Variants in SNTG1 observed in about 807,000 individuals in gnomAD.
The protein encoded by SNTG1 is gamma-1-syntrophin.
In SNTG1, 39 loss-of-function variants were observed where a neutral mutation model predicts 74.7. The ratio of observed to expected loss-of-function variants is 0.52; its 90% CI spans 0.40 to 0.68. The LOEUF is 0.68. Ranked by LOEUF, SNTG1 falls within the 30% of genes least tolerant of loss-of-function variation. The probability of loss-of-function intolerance (pLI) is 0.00; values close to 1 mark genes in which losing one functional copy is unlikely to be tolerated. For synonymous variants in SNTG1, 254 were observed against 217.1 expected, an observed-to-expected ratio of 1.17 and a Z score of -1.49; for missense variants, 685 against 609.5, an observed-to-expected ratio of 1.12 and a Z score of -1.30.
At chr8:50,257,961 A>G (rs942848594) in intron 2 of SNTG1, among the ~76,000 whole-genome samples, 3 of 152,234 alleles carry the variant, frequency 2.0e-5, no homozygotes, top group Non-Finnish European at 1.5e-5. Context: ...CATGAAATCA[A>G]GGAAAGAAAC....
chr8:50,272,955 G>C (rs1251125656), intron 2 of SNTG1, among the ~76,000 whole-genome samples: 5 of 151,576 alleles, frequency 3.3e-5, no homozygotes, highest in Non-Finnish European at 7.4e-5. Flanking sequence ...TATTACCCAG[G>C]CTGGTCTAGA....
chr8:50,641,394 G>A (rs1159645922), intron 13 of SNTG1, among the ~76,000 whole-genome samples: 1 of 152,146 alleles, frequency 6.6e-6, no homozygotes, highest in African/African-American at 2.4e-5. Flanking sequence ...TTCTGCTGTG[G>A]CTGGAAAGGA....
At chr8:50,592,782 C>A (rs774527012) in intron 13 of SNTG1, among the ~76,000 whole-genome samples, 2 of 152,028 alleles carry the variant, frequency 1.3e-5, no homozygotes, top group Non-Finnish European at 2.9e-5. Context: ...ATCTTGGCAG[C>A]TCACAGTTTT....
chr8:50,553,705 C>T (rs2094439981), intron 12 of SNTG1, among the ~76,000 whole-genome samples: 1 of 152,126 alleles, frequency 6.6e-6, no homozygotes, highest in African/African-American at 2.4e-5. Context: ...TTGCTTCCTT[C>T]CACATTCCTG....
chr8:50,699,132 G>A (rs1038698131), intron 15 of SNTG1, among the ~76,000 whole-genome samples: 1 of 151,986 alleles, frequency 6.6e-6, no homozygotes, highest in African/African-American at 2.4e-5. Flanking sequence ...ATCACAAGGA[G>A]ATCTGTACCC....
intron 18 of SNTG1, among the ~76,000 whole-genome samples, chr8:50,763,396 A>G (rs1014700704): frequency 6.6e-6 from 1 of 151,892 alleles, no homozygotes; most frequent in African/African-American, 2.4e-5. Flanking sequence ...ATTCCAGAGA[A>G]CATACTCTAT....
chr8:50,669,121 A>T (rs954773679), intron 15 of SNTG1, among the ~76,000 whole-genome samples: 4 of 152,128 alleles, frequency 2.6e-5, no homozygotes, highest in Non-Finnish European at 5.9e-5. Flanking sequence ...CATCACAATT[A>T]AAAGAACTAG....
intron 1 of SNTG1, among the ~76,000 whole-genome samples, chr8:49,941,348 G>C (rs1238194126): frequency 6.6e-6 from 1 of 151,736 alleles, no homozygotes; most frequent in African/African-American, 2.4e-5. Flanking sequence ...CACCTTTAAG[G>C]CTCACCAGAA....
intron 2 of SNTG1, among the ~76,000 whole-genome samples, chr8:50,352,940 A>G (rs2091707526): frequency 6.6e-6 from 1 of 152,158 alleles, no homozygotes; most frequent in Non-Finnish European, 1.5e-5. Context: ...ATGCTGCTAT[A>G]GAGACACACA....
At chr8:50,305,478 T>C (rs976511815) in intron 2 of SNTG1, among the ~76,000 whole-genome samples, 1 of 152,014 alleles carries the variant, frequency 6.6e-6, no homozygotes, top group African/African-American at 2.4e-5. Flanking sequence ...TTTGTTTACA[T>C]TTTAATTTGT....
At chr8:50,690,528 G>A (rs1164426953) in intron 15 of SNTG1, among the ~76,000 whole-genome samples, 1 of 152,126 alleles carries the variant, frequency 6.6e-6, no homozygotes, top group Non-Finnish European at 1.5e-5. Context: ...TCAGGAGCAG[G>A]TTGTTCATTT....
chr8:49,938,547 CT>C (rs5891334), intron 1 of SNTG1, among the ~76,000 whole-genome samples: 6,126 of 53,588 alleles, frequency 0.11, 736 homozygotes, highest in African/African-American at 0.32. Context: ...ACCATGCCTT[CT>C]TTTCTTTTGT....
chr8:50,693,077 G>A (rs1422254570), intron 15 of SNTG1, among the ~76,000 whole-genome samples: 1 of 152,180 alleles, frequency 6.6e-6, no homozygotes, highest in Non-Finnish European at 1.5e-5. Flanking sequence ...ATCTCCTGAT[G>A]TGCCCTTTTT....
chr8:50,395,232 A>G lies in SNTG1; in HGVS notation c.27+967A>G, dbSNP rs141729717. Reference sequence around the variant, plus strand: ...AATATAAATATAAGGTTTTTCAGAAAACTAATAAATTGCTTTTATATTTCT... The same window carrying G: ...AATATAAATATAAGGTTTTTCAGAAGACTAATAAATTGCTTTTATATTTCT... On this transcript the variant is annotated intron_variant, in intron 3 of 18. Coordinates refer to ENST00000642720, the MANE Select transcript of SNTG1 (RefSeq NM_018967.5). Among the ~76,000 whole-genome samples, 829 of 152,278 alleles carry G rather than the reference A, an allele frequency of 5.4e-3. 8 individuals are homozygous for G. Among genetic ancestry groups the G allele is most frequent in the African/African-American group, 0.019 (780 of 41,572 alleles).
intron 18 of SNTG1, among the ~76,000 whole-genome samples, chr8:50,754,219 G>T (rs987491335): frequency 1.3e-5 from 2 of 151,910 alleles, no homozygotes; most frequent in African/African-American, 4.8e-5. Flanking sequence ...AGTGCAAATT[G>T]CACCATAGAA....
intron 1 of SNTG1, among the ~76,000 whole-genome samples, chr8:49,943,837 A>G (rs949563199): frequency 4.6e-5 from 7 of 152,206 alleles, no homozygotes; most frequent in African/African-American, 7.2e-5. Flanking sequence ...TTTTGGTTCA[A>G]TAAATATATT....
At chr8:49,929,711 T>C (rs567256107) in intron 1 of SNTG1, among the ~76,000 whole-genome samples, 1 of 147,248 alleles carries the variant, frequency 6.8e-6, no homozygotes, top group South Asian at 2.1e-4. Context: ...TTTAGCTTAT[T>C]TTTTTTTAAT....
chr8:50,651,657 A>T (rs1322440617), intron 13 of SNTG1, among the ~76,000 whole-genome samples: 1 of 151,962 alleles, frequency 6.6e-6, no homozygotes, highest in East Asian at 1.9e-4. Context: ...GGATTTCTCC[A>T]TGTAGGTCAG....
chr8:50,689,527 T>C (rs964943164), intron 15 of SNTG1, among the ~76,000 whole-genome samples: 2 of 152,202 alleles, frequency 1.3e-5, no homozygotes, highest in Non-Finnish European at 2.9e-5. Context: ...TGTCTTTGGT[T>C]CTGTTTATAT....
Sources: allele counts gnomAD v4.1 joint callset (sites outside exome capture counted in the v4.1 genomes callset), GRCh38; gene constraint gnomAD v4.1.1; transcripts MANE v1.5; gene names NCBI Gene and HGNC (gene_info 2026-07-23, HGNC 2026-07-21).